The following CNOT6L variants were observed in gnomAD, a reference collection of about 807,000 sequenced individuals.
The protein encoded by CNOT6L is CCR4-NOT transcription complex subunit 6-like.
In CNOT6L, 7 loss-of-function variants were observed where a neutral mutation model predicts 64.0. That is an observed-to-expected ratio of 0.11 (90% confidence interval 0.06 to 0.21). The LOEUF is 0.21. Among genes scored for constraint, CNOT6L ranks in the 10% least tolerant of loss-of-function variants. The pLI is 1.00. For synonymous variants in CNOT6L, 193 were observed against 243.4 expected, an observed-to-expected ratio of 0.79 and a Z score of 1.93; for missense variants, 245 against 669.0, an observed-to-expected ratio of 0.37 and a Z score of 6.99.
At chr4:77,792,841 G>A (rs1277192298) in intron 1 of CNOT6L, among the ~76,000 whole-genome samples, 1 of 151,288 alleles carries the variant, frequency 6.6e-6, no homozygotes, top group Non-Finnish European at 1.5e-5. Context: ...ACATACTGAA[G>A]TCCCCTCTAA....
At chr4:77,729,205 T>C (rs975600748) in intron 9 of CNOT6L, 124 bp from the exon 10 acceptor site, 1 of 686,812 alleles carries the variant, frequency 1.5e-6, no homozygotes, top group Admixed American at 2.8e-5. Flanking sequence ...AATTTATAAC[T>C]TCCCTTTTAT....
intron 10 of CNOT6L, among the ~76,000 whole-genome samples, chr4:77,726,589 G>A (rs1016295274): frequency 3.3e-5 from 5 of 152,108 alleles, no homozygotes; most frequent in Non-Finnish European, 5.9e-5. Flanking sequence ...GCCTATTTCA[G>A]AACAAAATAT....
intron 1 of CNOT6L, among the ~76,000 whole-genome samples, chr4:77,788,549 G>A (rs1056551687): frequency 1.3e-5 from 2 of 151,932 alleles, no homozygotes; most frequent in South Asian, 2.1e-4. Context: ...GCAATACGGC[G>A]AAACCCCATC....
chr4:77,812,302 G>A (rs970333748), intron 1 of CNOT6L, among the ~76,000 whole-genome samples: 3 of 151,754 alleles, frequency 2.0e-5, no homozygotes, highest in Non-Finnish European at 2.9e-5. Context: ...GCCAGGCATG[G>A]TGGCAGGCAC....
rs754195745 is a variant in CNOT6L, at chr4:77,760,860, C to CTTTTTTTTTTTTT, written c.401-3922_401-3910dup. Among the ~76,000 whole-genome samples the CTTTTTTTTTTTTT allele has an allele frequency of 1.0e-3, 30 of 29,982 alleles. 6 individuals are homozygous for CTTTTTTTTTTTTT. Among genetic ancestry groups the CTTTTTTTTTTTTT allele is most frequent in the Non-Finnish European group, 1.2e-3 (22 of 17,602 alleles). 19.7% of individuals were successfully genotyped at this position (29,982 alleles called of 152,430 possible). On this transcript the variant is annotated intron_variant, in intron 4 of 11. Coordinates refer to ENST00000504123, the MANE Select transcript of CNOT6L (RefSeq NM_144571.3). ...TACAGGTGCACACCACCATGCCTGG[C>CTTTTTTTTTTTTT]TTTTTTTTTTTTTTTTTTTTTTTTT...
At chr4:77,729,566 T>G (rs2109885826) in intron 9 of CNOT6L, among the ~76,000 whole-genome samples, 1 of 152,318 alleles carries the variant, frequency 6.6e-6, no homozygotes, top group South Asian at 2.1e-4. Context: ...CCTGAACAAA[T>G]TCACACCATA....
At chr4:77,763,207 C>A (rs920868919) in intron 4 of CNOT6L, among the ~76,000 whole-genome samples, 1 of 151,740 alleles carries the variant, frequency 6.6e-6, no homozygotes. Context: ...TGGTCTGAAC[C>A]CACATTAAAA....
chr4:77,784,043 T>C (rs1477179585), intron 1 of CNOT6L, among the ~76,000 whole-genome samples: 1 of 152,008 alleles, frequency 6.6e-6, no homozygotes, highest in Admixed American at 6.6e-5. Context: ...TTTCCAAAGG[T>C]AATCCGAAGA....
At chr4:77,774,774 A>C in intron 2 of CNOT6L, 58 bp from the exon 3 acceptor site, 1 of 1,082,540 alleles carries the variant, frequency 9.2e-7, no homozygotes, top group Non-Finnish European at 1.3e-6. Flanking sequence ...TGACACCTAA[A>C]CTACAACGAC....
intron 1 of CNOT6L, among the ~76,000 whole-genome samples, chr4:77,800,407 T>C (rs900774216): frequency 3.3e-5 from 5 of 151,964 alleles, no homozygotes; most frequent in South Asian, 4.1e-4. Context: ...CACCAGCTTC[T>C]TGGGAGGCTT....
At chr4:77,778,209 G>T (rs1210756630) in intron 1 of CNOT6L, among the ~76,000 whole-genome samples, 1 of 152,060 alleles carries the variant, frequency 6.6e-6, no homozygotes, top group Non-Finnish European at 1.5e-5. Flanking sequence ...AATTTCTGCT[G>T]GACACCATAA....
At chr4:77,819,952 A>G (rs1411193524), upstream of CNOT6L, among the ~76,000 whole-genome samples, 2 of 151,764 alleles carry the variant, frequency 1.3e-5, no homozygotes, top group Non-Finnish European at 2.9e-5. Flanking sequence ...CGAAGGCCCC[A>G]GCCGAAGGAA....
At chr4:77,812,154 A>G (rs997231616) in intron 1 of CNOT6L, among the ~76,000 whole-genome samples, 1 of 152,146 alleles carries the variant, frequency 6.6e-6, no homozygotes, top group African/African-American at 2.4e-5. Flanking sequence ...CTTAAAAACT[A>G]TTAGAACTGG....
intron 1 of CNOT6L, among the ~76,000 whole-genome samples, chr4:77,818,786 G>C (rs1291271398): frequency 2.0e-5 from 3 of 151,732 alleles, no homozygotes; most frequent in African/African-American, 4.8e-5. Context: ...GGAGGCGTCC[G>C]GGGAGGTGGG....
upstream of CNOT6L, chr4:77,819,521 C>G: frequency 1.2e-6 from 1 of 855,030 alleles, no homozygotes; most frequent in Non-Finnish European, 1.6e-6. Context: ...GGCCCGTAAC[C>G]GGGGCTCGCG....
chr4:77,776,398 T>C lies in CNOT6L; in HGVS notation c.6-6A>G. On this transcript the variant is annotated splice_region_variant and splice_polypyrimidine_tract_variant and intron_variant, in intron 1 of 11. Coordinates refer to ENST00000504123, the MANE Select transcript of CNOT6L (RefSeq NM_144571.3). The stretch of plus-strand genomic sequence containing the variant: ...CCTTTGGCATCCCTATTAGTCTGTT[T>C]AAAAAAAAAAAGGAGGAGATCAATA... 1 of 1,099,252 alleles carries C rather than the reference T, an allele frequency of 9.1e-7. No individual in the cohort carries two copies. The highest frequency in any genetic ancestry group is 3.1e-5 in the East Asian group (1 of 32,492). 68.1% of individuals were successfully genotyped at this position (1,099,252 alleles called of 1,614,324 possible).
chr4:77,766,815 G>A (rs1726882683), intron 4 of CNOT6L, among the ~76,000 whole-genome samples: 1 of 151,512 alleles, frequency 6.6e-6, no homozygotes, highest in Non-Finnish European at 1.5e-5. Context: ...TGTAATCCCA[G>A]CACTTTGAGA....
chr4:77,819,543 A>C, upstream of CNOT6L: 2 of 548,770 alleles, frequency 3.6e-6, no homozygotes, highest in East Asian at 6.2e-5. Context: ...GCGGGCGCGC[A>C]GGGAACCCGG....
At chr4:77,771,655 T>C (rs1204899185) in intron 4 of CNOT6L, among the ~76,000 whole-genome samples, 1 of 152,254 alleles carries the variant, frequency 6.6e-6, no homozygotes, top group Non-Finnish European at 1.5e-5. Flanking sequence ...ACCATTCATA[T>C]AATTGTCTAA....
Sources: allele counts gnomAD v4.1 joint callset (sites outside exome capture counted in the v4.1 genomes callset), GRCh38; gene constraint gnomAD v4.1.1; transcripts MANE v1.5; gene names NCBI Gene and HGNC (gene_info 2026-07-23, HGNC 2026-07-21).